ELOVL6: variants seen among roughly 807,000 people sequenced by gnomAD.
ELOVL6 encodes the protein very long chain fatty acid elongase 6.
In ELOVL6, 8 loss-of-function variants were observed where a neutral mutation model predicts 31.7. The observed-to-expected ratio is 0.25, with a 90% CI of 0.15 to 0.45. ELOVL6 has a LOEUF of 0.45. Among genes scored for constraint, ELOVL6 ranks in the 20% least tolerant of loss-of-function variants. The pLI is 1.00. For synonymous variants in ELOVL6, 101 were observed against 117.7 expected (o/e 0.86, Z 0.92); for missense variants, 126 against 326.4 (o/e 0.39, Z 4.73).
rs557702836 is a variant in ELOVL6 at position 110,076,413 on chromosome 4, A to G, written c.222-16659T>C. Among the ~76,000 whole-genome samples, 86 of 152,326 alleles carry G rather than the reference A, an allele frequency of 5.6e-4. No individual in the cohort carries two copies. In the Middle Eastern group the frequency reaches 0.02, roughly 36 times the overall value. ...ATCACATATACAATGGTGGTCCTAT[A>G]TAATAATAGAACACACAGAGAAAAC... On this transcript the variant is annotated intron_variant, in intron 2 of 3. Coordinates refer to ENST00000302274, the MANE Select transcript of ELOVL6 (RefSeq NM_024090.3).
intron 1 of ELOVL6, among the ~76,000 whole-genome samples, chr4:110,129,890 A>AT (rs1491180709): frequency 8.8e-5 from 9 of 102,684 alleles, no homozygotes; most frequent in African/African-American, 1.3e-4. Context: ...AATCCAATCC[A>AT]ATTTTTTTTT....
intron 1 of ELOVL6, among the ~76,000 whole-genome samples, chr4:110,107,736 C>A (rs2126247482): frequency 6.6e-6 from 1 of 152,074 alleles, no homozygotes; most frequent in South Asian, 2.1e-4. Flanking sequence ...AAAGTTCTAC[C>A]AAGTTAATGT....
rs59169507 is a variant in ELOVL6 at position 110,047,890 on chromosome 4, C to CAA, written c.*3446_*3447dup. The CAA allele has an allele frequency of 0.13, 8,060 of 63,320 alleles. 489 individuals carry two copies. The highest frequency in any genetic ancestry group is 0.15 in the Non-Finnish European group (4,996 of 33,748). 3.9% of individuals were successfully genotyped at this position (63,320 alleles called of 1,614,324 possible). A position where few individuals can be genotyped will look rare whatever the true frequency, so the allele number is the denominator to read the frequency against. On this transcript the variant is annotated 3_prime_UTR_variant, in exon 4 of 4. Coordinates refer to ENST00000302274, the MANE Select transcript of ELOVL6 (RefSeq NM_024090.3). Reference sequence around the variant, plus strand: ...GGGCAACAACAGCAAGAATCCACCTCAAAAAAAAAAAAAAAAAAAAAAAGA... The same window carrying CAA: ...GGGCAACAACAGCAAGAATCCACCTCAAAAAAAAAAAAAAAAAAAAAAAAAGA...
intron 2 of ELOVL6, among the ~76,000 whole-genome samples, chr4:110,099,740 C>G (rs1756687044): frequency 6.6e-6 from 1 of 152,158 alleles, no homozygotes; most frequent in African/African-American, 2.4e-5. Flanking sequence ...GTAGAGGCTC[C>G]TTGAATCAGA....
intron 2 of ELOVL6, among the ~76,000 whole-genome samples, chr4:110,099,908 A>G (rs910012111): frequency 1.3e-5 from 2 of 152,236 alleles, no homozygotes; most frequent in Non-Finnish European, 2.9e-5. Context: ...CTCTGTTGCC[A>G]TATCAAAGTT....
At chr4:110,070,854 G>A (rs1006258658) in intron 2 of ELOVL6, among the ~76,000 whole-genome samples, 9 of 152,034 alleles carry the variant, frequency 5.9e-5, no homozygotes, top group African/African-American at 9.7e-5. Flanking sequence ...TACAGCCTGC[G>A]GAACTGTTGA....
chr4:110,171,858 T>C (rs905983840), intron 1 of ELOVL6, among the ~76,000 whole-genome samples: 1 of 151,894 alleles, frequency 6.6e-6, no homozygotes, highest in South Asian at 2.1e-4. Context: ...CTTGGCTTAT[T>C]TTTTAGCTTT....
chr4:110,168,078 T>C (rs1578274562), intron 1 of ELOVL6, among the ~76,000 whole-genome samples: 1 of 152,314 alleles, frequency 6.6e-6, no homozygotes, highest in East Asian at 1.9e-4. Context: ...TGTCTTTGTA[T>C]CAATTTATGA....
intron 1 of ELOVL6, among the ~76,000 whole-genome samples, chr4:110,172,990 T>G (rs981045838): frequency 6.6e-6 from 1 of 152,216 alleles, no homozygotes; most frequent in African/African-American, 2.4e-5. Flanking sequence ...GATTCTCATA[T>G]GCTTATGTTC....
Position 110,086,922 on chromosome 4 carries a change from T to C in ELOVL6, c.221+18575A>G, listed in dbSNP as rs1298286255. ...TATTTTGAAATATTCAAGGATCTTATCCTTGAATGTGACCGTCCTATAATA... is the reference window on the plus strand; with the variant it reads ...TATTTTGAAATATTCAAGGATCTTACCCTTGAATGTGACCGTCCTATAATA... On this transcript the variant is annotated intron_variant, in intron 2 of 3. Transcript: ENST00000302274. Among the ~76,000 whole-genome samples the C allele has an allele frequency of 2.0e-4, 30 of 152,156 alleles. 1 individual carries two copies. Among genetic ancestry groups the C allele is most frequent in the Admixed American group, 2.0e-3 (30 of 15,272 alleles).
chr4:110,067,493 T>TG lies in ELOVL6; in HGVS notation c.222-7740dup, dbSNP rs552684373. Among the ~76,000 whole-genome samples, 55 of 152,308 alleles carry TG rather than the reference T, an allele frequency of 3.6e-4. 1 individual carries two copies. The East Asian group carries it at 9.6e-3, about 27-fold the overall frequency. On this transcript the variant is annotated intron_variant, in intron 2 of 3. Transcript: ENST00000302274. ...TTATTGACTTGCAGTTCCACAGGGC[T>TG]GGGGAAGCCTCAGGAGACTTACAAT...
chr4:110,171,624 C>T (rs1758948332), intron 1 of ELOVL6, among the ~76,000 whole-genome samples: 1 of 147,418 alleles, frequency 6.8e-6, no homozygotes, highest in Non-Finnish European at 1.5e-5. Context: ...GCTCCAAGCT[C>T]TTCTCCCATA....
At chr4:110,054,905 A>G (rs1322719737) in intron 3 of ELOVL6, among the ~76,000 whole-genome samples, 1 of 152,098 alleles carries the variant, frequency 6.6e-6, no homozygotes, top group African/African-American at 2.4e-5. Context: ...ATTAATTTAA[A>G]TTTGCTTAGG....
rs188835318 is a variant in ELOVL6 at position 110,066,561 on chromosome 4, C to T, written c.222-6807G>A. ...GGCTGAGACAGGAGAATCACGTGAA[C>T]GCAGGAGGGGGAGCCTGCAGTAAGC... On this transcript the variant is annotated intron_variant, in intron 2 of 3. Transcript: ENST00000302274. Among the ~76,000 whole-genome samples the T allele has an allele frequency of 2.3e-3, 332 of 143,952 alleles. 1 individual carries two copies. Among genetic ancestry groups the T allele is most frequent in the African/African-American group, 8.4e-3 (321 of 37,994 alleles). 94.4% of individuals were successfully genotyped at this position (143,952 alleles called of 152,430 possible). A position where few individuals can be genotyped will look rare whatever the true frequency, so the allele number is the denominator to read the frequency against.
chr4:110,136,857 A>C (rs1757827636), intron 1 of ELOVL6, among the ~76,000 whole-genome samples: 1 of 152,036 alleles, frequency 6.6e-6, no homozygotes, highest in South Asian at 2.1e-4. Context: ...GAAAGGTGGA[A>C]GTGGAGAAAT....
chr4:110,166,472 T>A (rs919102222), intron 1 of ELOVL6, among the ~76,000 whole-genome samples: 25 of 151,836 alleles, frequency 1.6e-4, no homozygotes, highest in Middle Eastern at 3.4e-3. Flanking sequence ...ATTACCTGGG[T>A]GTGGTGGTAC....
intron 1 of ELOVL6, among the ~76,000 whole-genome samples, chr4:110,132,231 A>C (rs1757689379): frequency 6.6e-6 from 1 of 152,144 alleles, no homozygotes; most frequent in African/African-American, 2.4e-5. Flanking sequence ...CCCGCTTGGC[A>C]GTGGCAATGT....
intron 1 of ELOVL6, among the ~76,000 whole-genome samples, chr4:110,140,984 G>C (rs1265308120): frequency 6.6e-6 from 1 of 152,030 alleles, no homozygotes; most frequent in Non-Finnish European, 1.5e-5. Context: ...GCAGCTTACG[G>C]GATTGTTGAG....
chr4:110,128,066 G>A (rs1188994293), intron 1 of ELOVL6, among the ~76,000 whole-genome samples: 1 of 151,668 alleles, frequency 6.6e-6, no homozygotes, highest in African/African-American at 2.4e-5. Flanking sequence ...AGTAAAAAGT[G>A]AAATTAGGAA....
Sources: allele counts gnomAD v4.1 joint callset (sites outside exome capture counted in the v4.1 genomes callset), GRCh38; gene constraint gnomAD v4.1.1; transcripts MANE v1.5; gene names NCBI Gene and HGNC (gene_info 2026-07-23, HGNC 2026-07-21).